DHRSX: variants seen among roughly 807,000 people sequenced by gnomAD.
DHRSX encodes polyprenol dehydrogenase.
In DHRSX, 31 loss-of-function variants were observed where a neutral mutation model predicts 34.0. The ratio of observed to expected loss-of-function variants is 0.91; its 90% confidence interval spans 0.69 to 1.23. The LOEUF is 1.23. Among genes scored for constraint, DHRSX ranks in the 50% most tolerant of loss-of-function variants. The probability of loss-of-function intolerance (pLI) is 0.00; values close to 1 mark genes in which losing one functional copy is unlikely to be tolerated. For missense variants in DHRSX, 414 were observed against 428.1 expected (o/e 0.97, Z 0.29); for synonymous variants, 201 against 183.8 (o/e 1.09, Z -0.76).
chrX:2,486,850 C>G (rs1319337803), intron 1 of DHRSX: 1 of 152,216 alleles, frequency 6.6e-6, no homozygotes, highest in African/African-American at 2.4e-5. Flanking sequence ...CGGCTCAGGA[C>G]GTAAGGATAA....
chrX:2,480,815 C>A (rs2044757695), intron 1 of DHRSX, among the ~76,000 whole-genome samples: 1 of 151,006 alleles, frequency 6.6e-6, no homozygotes. Context: ...GAGACTGTCT[C>A]AAAAAAAATA....
chrX:2,376,886 C>G (rs1162917646), intron 3 of DHRSX, among the ~76,000 whole-genome samples: 3 of 151,840 alleles, frequency 2.0e-5, no homozygotes, highest in Non-Finnish European at 4.4e-5. Flanking sequence ...CCCAGCTACT[C>G]AGGAGGCTAA....
At chrX:2,445,900 C>T (rs1184533022) in intron 1 of DHRSX, among the ~76,000 whole-genome samples, 3 of 150,936 alleles carry the variant, frequency 2.0e-5, no homozygotes, top group Non-Finnish European at 4.4e-5. Context: ...TGAAGATGTT[C>T]CCTAAGAATG....
intron 3 of DHRSX, among the ~76,000 whole-genome samples, chrX:2,311,075 A>AAGAGAGACAGAAGG (rs1469649259): frequency 6.9e-6 from 1 of 145,388 alleles, no homozygotes; most frequent in Admixed American, 7.1e-5. Flanking sequence ...AAAAAAAAAA[A>AAGAGAGACAGAAGG]AGAGAGACAG....
chrX:2,488,569 A>C, intron 1 of DHRSX: 3 of 1,513,796 alleles, frequency 2.0e-6, no homozygotes, highest in Non-Finnish European at 2.7e-6. Context: ...TGACCGGGTA[A>C]GTATTTACAG....
intron 1 of DHRSX, among the ~76,000 whole-genome samples, chrX:2,456,812 C>T (rs2044304746): frequency 6.6e-6 from 1 of 152,010 alleles, no homozygotes; most frequent in African/African-American, 2.4e-5. Context: ...CTCCAGAAAT[C>T]CGAAGATTCA....
chrX:2,313,010 T>A (rs867175902), intron 3 of DHRSX, among the ~76,000 whole-genome samples: 4 of 149,290 alleles, frequency 2.7e-5, no homozygotes, highest in African/African-American at 1.0e-4. Flanking sequence ...ATATATATTT[T>A]TTTTTTTTTG....
At chrX:2,284,433 T>C (rs1190792284) in intron 4 of DHRSX, among the ~76,000 whole-genome samples, 4 of 151,828 alleles carry the variant, frequency 2.6e-5, no homozygotes, top group South Asian at 2.1e-4. Context: ...AATGAATGAA[T>C]GGGTGAATGA....
intron 5 of DHRSX, among the ~76,000 whole-genome samples, chrX:2,251,728 C>T (rs1223074852): frequency 6.6e-6 from 1 of 152,098 alleles, no homozygotes; most frequent in African/African-American, 2.4e-5. Context: ...CACTGGGGAA[C>T]AAGCATTTCA....
intron 3 of DHRSX, among the ~76,000 whole-genome samples, chrX:2,376,750 C>T (rs1302439419): frequency 6.6e-6 from 1 of 151,892 alleles, no homozygotes; most frequent in Admixed American, 6.6e-5. Flanking sequence ...CATCCCAGCA[C>T]TTTGGGAGGC....
chrX:2,433,813 C>T (rs1482885449), intron 1 of DHRSX, among the ~76,000 whole-genome samples: 1 of 152,116 alleles, frequency 6.6e-6, no homozygotes, highest in African/African-American at 2.4e-5. Flanking sequence ...CTCGCTCTGT[C>T]GCCCAGGCTG....
chrX:2,269,577 T>A (rs1165451292), intron 4 of DHRSX, among the ~76,000 whole-genome samples: 1 of 152,114 alleles, frequency 6.6e-6, no homozygotes, highest in East Asian at 1.9e-4. Context: ...GCTCTTGTCG[T>A]CCAGGCTGGA....
intron 3 of DHRSX, among the ~76,000 whole-genome samples, chrX:2,384,959 A>G (rs2043253465): frequency 6.6e-6 from 1 of 151,324 alleles, no homozygotes; most frequent in African/African-American, 2.4e-5. Flanking sequence ...AAATATATAT[A>G]TATACATTTG....
intron 3 of DHRSX, among the ~76,000 whole-genome samples, chrX:2,314,226 GAAGGGAGGGAGGGAAGGA>G (rs1569487177): frequency 2.2e-4 from 3 of 13,734 alleles, no homozygotes; most frequent in African/African-American, 1.5e-3. Context: ...AGGAGGGAAG[GAAGGGAGGGAGGGAAGGA>G]AGGGAGGGAA....
intron 1 of DHRSX, among the ~76,000 whole-genome samples, chrX:2,452,387 C>G (rs2044235107): frequency 6.6e-6 from 1 of 151,692 alleles, no homozygotes; most frequent in African/African-American, 2.4e-5. Flanking sequence ...AAGATGTTCC[C>G]TAAGCATGTA....
intron 3 of DHRSX, among the ~76,000 whole-genome samples, chrX:2,309,765 T>C (rs2042141868): frequency 6.6e-6 from 1 of 151,904 alleles, no homozygotes; most frequent in Non-Finnish European, 1.5e-5. Flanking sequence ...CATAAAAAAT[T>C]ATCTGAGTGT....
intron 4 of DHRSX, among the ~76,000 whole-genome samples, chrX:2,271,971 G>A (rs2041561742): frequency 6.6e-6 from 1 of 151,486 alleles, no homozygotes; most frequent in African/African-American, 2.4e-5. Context: ...AACCTGGGAG[G>A]CAGAGGTTGC....
At chrX:2,359,433 T>C (rs1330031598) in intron 3 of DHRSX, among the ~76,000 whole-genome samples, 1 of 152,126 alleles carries the variant, frequency 6.6e-6, no homozygotes, top group Non-Finnish European at 1.5e-5. Flanking sequence ...ATTCCAGCAC[T>C]TTGGGAGGCC....
intron 3 of DHRSX, among the ~76,000 whole-genome samples, chrX:2,406,942 T>C (rs2043562557): frequency 6.6e-6 from 1 of 152,146 alleles, no homozygotes; most frequent in Non-Finnish European, 1.5e-5. Context: ...ATGAAATCAG[T>C]GTATCAAAGA....
Sources: gnomAD v4.1 joint callset for allele counts (sites outside exome capture counted in the v4.1 genomes callset) on GRCh38, gnomAD v4.1.1 for gene constraint, MANE v1.5 for transcripts, NCBI Gene and HGNC (gene_info 2026-07-23, HGNC 2026-07-21) for gene names.